SKIC8: variants seen among roughly 807,000 people sequenced by gnomAD.
SKIC8 encodes the protein superkiller complex protein 8.
chr15:78,288,196 GT>G, the SKIC8 span: 1 of 1,337,484 alleles, frequency 7.5e-7, no homozygotes, highest in Non-Finnish European at 1.0e-6. Context: ...TTGAGCACAG[GT>G]CTTTACTAGG....
At chr15:78,289,689 G>A in the SKIC8 span, 2 of 1,614,074 alleles carry the variant, frequency 1.2e-6, no homozygotes, top group Non-Finnish European at 1.7e-6. Context: ...TGGCTCCACT[G>A]GCTAGGTATT....
the SKIC8 span, chr15:78,292,565 G>C: frequency 1.2e-6 from 2 of 1,611,238 alleles, no homozygotes; most frequent in Non-Finnish European, 1.7e-6. Context: ...TAAAGATTTT[G>C]GAAAAGAAAT....
At chr15:78,290,109 A>T in the SKIC8 span, 10 of 1,604,396 alleles carry the variant, frequency 6.2e-6, no homozygotes, top group African/African-American at 4.0e-5. Flanking sequence ...ACTGAACAGA[A>T]AAAAGAAGGA....
the SKIC8 span, chr15:78,294,869 A>G: frequency 2.5e-6 from 4 of 1,576,106 alleles, no homozygotes; most frequent in Non-Finnish European, 2.6e-6. Context: ...ATGTCTGGTC[A>G]GCATGACAAA....
At chr15:78,294,779 TTG>T in the SKIC8 span, 7 of 606,342 alleles carry the variant, frequency 1.2e-5, no homozygotes, top group Admixed American at 3.1e-5. Flanking sequence ...TTTGTTGTTG[TTG>T]TTGTTGTTGT....
the SKIC8 span, among the ~76,000 whole-genome samples, chr15:78,296,662 T>C: frequency 2.6e-5 from 4 of 151,986 alleles, no homozygotes; most frequent in Non-Finnish European, 4.4e-5. Flanking sequence ...CGTGCCAACA[T>C]GTCTGGATAT....
At chr15:78,283,482 C>A in the SKIC8 span, 1 of 1,613,836 alleles carries the variant, frequency 6.2e-7, no homozygotes, top group Non-Finnish European at 8.5e-7. Flanking sequence ...CCAACAGACA[C>A]AATTTTTGAA....
At chr15:78,283,360 C>G in the SKIC8 span, 1 of 1,238,042 alleles carries the variant, frequency 8.1e-7, no homozygotes. Flanking sequence ...TTTAAACAAG[C>G]CTAAGAAGGT....
the SKIC8 span, chr15:78,283,482 C>G: frequency 6.2e-7 from 1 of 1,613,836 alleles, no homozygotes; most frequent in East Asian, 2.2e-5. Flanking sequence ...CCAACAGACA[C>G]AATTTTTGAA....
At chr15:78,292,953 G>T in the SKIC8 span, 1 of 974,824 alleles carries the variant, frequency 1.0e-6, no homozygotes, top group Non-Finnish European at 1.5e-6. Context: ...GGTTTTAAAT[G>T]TAGGACTTTA....
At chr15:78,298,412 A>G in the SKIC8 span, among the ~76,000 whole-genome samples, 1 of 152,224 alleles carries the variant, frequency 6.6e-6, no homozygotes, top group Non-Finnish European at 1.5e-5. Flanking sequence ...TACTAGGTAC[A>G]GTAGTTCTTT....
the SKIC8 span, chr15:78,294,764 A>T: frequency 3.8e-6 from 2 of 530,580 alleles, no homozygotes; most frequent in Non-Finnish European, 6.1e-6. Flanking sequence ...CTGGTTGTTC[A>T]GGTTTTTGTT....
chr15:78,283,730 C>CAAAAAAA, the SKIC8 span: 3 of 307,368 alleles, frequency 9.8e-6, no homozygotes, highest in Non-Finnish European at 1.2e-5. Context: ...TCCCATACTC[C>CAAAAAAA]AAAAAAAAAA....
chr15:78,285,495 T>C, the SKIC8 span: 1 of 644,386 alleles, frequency 1.6e-6, no homozygotes, highest in Non-Finnish European at 2.8e-6. Flanking sequence ...TGGCTTTCTC[T>C]CCTCACAGGG....
chr15:78,297,738 GC>G, the SKIC8 span, among the ~76,000 whole-genome samples: 1 of 152,174 alleles, frequency 6.6e-6, no homozygotes, highest in Non-Finnish European at 1.5e-5. Context: ...CAAGTTCACG[GC>G]CCTCGCAATT....
the SKIC8 span, chr15:78,295,398 G>C: frequency 6.5e-5 from 37 of 565,362 alleles, no homozygotes; most frequent in Admixed American, 1.2e-3. Context: ...CTCCTATTCT[G>C]ATCTTTTTTT....
the SKIC8 span, chr15:78,295,821 T>A: frequency 9.6e-7 from 1 of 1,039,704 alleles, no homozygotes; most frequent in Non-Finnish European, 1.4e-6. Flanking sequence ...GGCAACTCTT[T>A]ATTATGAAGT....
At chr15:78,286,023 C>T in the SKIC8 span, 2 of 1,606,888 alleles carry the variant, frequency 1.2e-6, no homozygotes, top group Middle Eastern at 1.7e-4. Context: ...TTAGAAACTG[C>T]TAAGAATCAT....
the SKIC8 span, chr15:78,283,871 A>G: frequency 6.1e-6 from 1 of 165,152 alleles, no homozygotes. Context: ...GCTTCCAGGA[A>G]GAAAGAGCCC....
Sources: allele counts gnomAD v4.1 joint callset (sites outside exome capture counted in the v4.1 genomes callset), GRCh38; gene constraint gnomAD v4.1.1; transcripts MANE v1.5; gene names NCBI Gene and HGNC (gene_info 2026-07-23, HGNC 2026-07-21).